Variants in GNG2 observed in about 807,000 individuals in gnomAD.
GNG2 encodes the protein G protein subunit gamma 2.
A neutral mutation model predicts 5.5 loss-of-function variants in GNG2; 5 were observed. That is an observed-to-expected ratio of 0.91 (90% confidence interval 0.48 to 1.92). GNG2 has a LOEUF of 1.92. Ranked by LOEUF, GNG2 falls within the 30% of genes most tolerant of loss-of-function variation. The probability of loss-of-function intolerance (pLI) is 0.01; values close to 1 mark genes in which losing one functional copy is unlikely to be tolerated. For synonymous variants in GNG2, 28 were observed against 32.0 expected, an observed-to-expected ratio of 0.88 and a Z score of 0.42; for missense variants, 55 against 88.4, an observed-to-expected ratio of 0.62 and a Z score of 1.52.
intron 2 of GNG2, among the ~76,000 whole-genome samples, chr14:51,920,917 G>T (rs1886979770): frequency 6.6e-6 from 1 of 152,098 alleles, no homozygotes; most frequent in African/African-American, 2.4e-5. Flanking sequence ...TGAAGGGTGT[G>T]GTGTTTACAC....
chr14:51,917,569 T>C (rs905610850), intron 2 of GNG2: 1 of 363,206 alleles, frequency 2.8e-6, no homozygotes, highest in Middle Eastern at 7.2e-4. Context: ...TTACCTCTGA[T>C]TAAAGGTATT....
intron 2 of GNG2, among the ~76,000 whole-genome samples, chr14:51,828,878 C>T (rs1291321297): frequency 2.6e-5 from 4 of 152,182 alleles, no homozygotes; most frequent in African/African-American, 9.7e-5. Context: ...GCCCCACTAC[C>T]TCCCCGCTGC....
In GNG2 at chr14:51,968,380, T is replaced by A. The variant is rs925144305; in HGVS notation, c.*1693T>A. 1.4e-4 allele frequency: 21 copies of A among 151,702 alleles called. No homozygotes were observed. Among genetic ancestry groups the A allele is most frequent in the Non-Finnish European group, 4.4e-5 (3 of 67,926 alleles). 9.4% of individuals were successfully genotyped at this position (151,702 alleles called of 1,614,324 possible). A position where few individuals can be genotyped will look rare whatever the true frequency, so the allele number is the denominator to read the frequency against. ...CTGTTTTTTTTTTAAAAAAAAAGCA[T>A]GAAAAAGGAAGAGAAAAAGTTTGAT... is the stretch of plus-strand genomic sequence containing the variant. On this transcript the variant is annotated 3_prime_UTR_variant, in exon 4 of 4. Coordinates refer to ENST00000556766, the MANE Select transcript of GNG2 (RefSeq NM_053064.5).
chr14:51,940,629 G>A (rs1305168321), intron 2 of GNG2, among the ~76,000 whole-genome samples: 2 of 151,888 alleles, frequency 1.3e-5, no homozygotes, highest in African/African-American at 4.8e-5. Flanking sequence ...GTGACTGAGT[G>A]TGCAAGGTGG....
intron 2 of GNG2, among the ~76,000 whole-genome samples, chr14:51,938,710 G>T (rs1035183819): frequency 1.1e-4 from 16 of 152,260 alleles, no homozygotes; most frequent in African/African-American, 3.6e-4. Context: ...TTCACACAAG[G>T]GGGTGGAAGA....
At position 51,925,544 on chromosome 14, in the gene GNG2, G is replaced by A. The variant is rs182564302; in HGVS notation, c.-29-25106G>A. On this transcript the variant is annotated intron_variant, in intron 2 of 3. Coordinates refer to ENST00000556766, the MANE Select transcript of GNG2 (RefSeq NM_053064.5). The stretch of plus-strand genomic sequence containing the variant: ...TCAGAATCTGCTCCTCTGAAAATCG[G>A]AGGATACTGCCTTCTTGAGGGCCTG... Among the ~76,000 whole-genome samples the A allele has an allele frequency of 2.8e-3, 431 of 152,224 alleles. 1 individual carries two copies. Among genetic ancestry groups the A allele is most frequent in the Non-Finnish European group, 4.3e-3 (295 of 68,012 alleles).
chr14:51,896,601 T>C (rs1426092694), intron 2 of GNG2, among the ~76,000 whole-genome samples: 1 of 152,202 alleles, frequency 6.6e-6, no homozygotes, highest in South Asian at 2.1e-4. Context: ...CACCAAAATA[T>C]GAATTTGATA....
intron 3 of GNG2, among the ~76,000 whole-genome samples, chr14:51,954,144 C>A (rs946526725): frequency 6.6e-6 from 1 of 152,120 alleles, no homozygotes; most frequent in Non-Finnish European, 1.5e-5. Flanking sequence ...GTTTTTTAAG[C>A]CTTCTTGTTT....
intron 1 of GNG2, among the ~76,000 whole-genome samples, chr14:51,864,977 C>T (rs1882775216): frequency 6.6e-6 from 1 of 152,014 alleles, no homozygotes; most frequent in Non-Finnish European, 1.5e-5. Context: ...ACTCCTAATC[C>T]TTAAACTGGT....
chr14:51,944,658 A>G (rs770017883), intron 2 of GNG2, among the ~76,000 whole-genome samples: 2 of 152,228 alleles, frequency 1.3e-5, no homozygotes, highest in Non-Finnish European at 2.9e-5. Flanking sequence ...CTTAAAATGG[A>G]TCAAACGCCT....
At chr14:51,913,679 AG>A (rs1886430265) in intron 2 of GNG2, among the ~76,000 whole-genome samples, 1 of 152,196 alleles carries the variant, frequency 6.6e-6, no homozygotes, top group Admixed American at 6.5e-5. Context: ...GGTTGTATGG[AG>A]GAGCAACTGA....
At chr14:51,847,414 T>G (rs745943811) in intron 2 of GNG2, 4 of 152,254 alleles carry the variant, frequency 2.6e-5, no homozygotes, top group African/African-American at 9.7e-5. Flanking sequence ...GCCTCTTGGT[T>G]TGGGTGGGGG....
At chr14:51,916,793 A>G (rs1368997652) in intron 2 of GNG2, among the ~76,000 whole-genome samples, 2 of 152,206 alleles carry the variant, frequency 1.3e-5, no homozygotes, top group East Asian at 3.8e-4. Context: ...CCAGCTTTGA[A>G]GCAGCCTCCC....
chr14:51,931,608 A>T (rs1408692947), intron 2 of GNG2, among the ~76,000 whole-genome samples: 1 of 152,166 alleles, frequency 6.6e-6, no homozygotes, highest in Non-Finnish European at 1.5e-5. Flanking sequence ...AGACCTGGGG[A>T]TCAGGGAGAT....
intron 2 of GNG2, among the ~76,000 whole-genome samples, chr14:51,901,840 T>C (rs552068121): frequency 1.3e-5 from 2 of 152,114 alleles, no homozygotes; most frequent in South Asian, 4.1e-4. Context: ...GAGCCTGCAG[T>C]ATGCCCAGGA....
intron 1 of GNG2, among the ~76,000 whole-genome samples, chr14:51,870,322 C>T (rs1370613760): frequency 1.4e-5 from 2 of 146,096 alleles, no homozygotes; most frequent in Non-Finnish European, 2.9e-5. Flanking sequence ...TGGCGAAAAA[C>T]ACAGACTGGA....
rs146933359 is a variant in GNG2, at chr14:51,950,570, A to T, written c.-29-80A>T. On this transcript the variant is annotated intron_variant, in intron 2 of 3. Transcript: ENST00000556766. ...GCCTGGCTACAGCCACTGCTTTGAG[A>T]TCCCCTAGTTACGATGAACTTGCAC... 3,429 of 844,082 alleles carry T rather than the reference A, an allele frequency of 4.1e-3. 66 individuals are homozygous for T. The Admixed American group carries it at 0.053, about 13-fold the overall frequency. 52.3% of individuals were successfully genotyped at this position (844,082 alleles called of 1,614,324 possible). A position where few individuals can be genotyped will look rare whatever the true frequency, so the allele number is the denominator to read the frequency against.
At chr14:51,863,200 G>A (rs1439783282) in intron 1 of GNG2, among the ~76,000 whole-genome samples, 1 of 152,156 alleles carries the variant, frequency 6.6e-6, no homozygotes, top group African/African-American at 2.4e-5. Flanking sequence ...TCTGTGGGTA[G>A]GAGAAAACAC....
chr14:51,917,331 TACTG>T (rs1246240000), intron 2 of GNG2: 2 of 456,044 alleles, frequency 4.4e-6, no homozygotes, highest in South Asian at 3.1e-5. Context: ...TAGCTGTACT[TACTG>T]AGCCCCAAGT....
Sources: gnomAD v4.1 joint callset for allele counts (sites outside exome capture counted in the v4.1 genomes callset) on GRCh38, gnomAD v4.1.1 for gene constraint, MANE v1.5 for transcripts, NCBI Gene and HGNC (gene_info 2026-07-23, HGNC 2026-07-21) for gene names.